Variants in SLC52A1 observed in about 807,000 individuals in gnomAD.
SLC52A1 encodes solute carrier family 52, riboflavin transporter, member 1.
A neutral mutation model predicts 23.2 loss-of-function variants in SLC52A1; 20 were observed. That is an observed-to-expected ratio of 0.86 (90% CI 0.61 to 1.25). The LOEUF (loss-of-function observed/expected upper bound fraction) is 1.25. Among genes scored for constraint, SLC52A1 ranks in the 50% most tolerant of loss-of-function variants. SLC52A1 has a pLI of 0.00. For synonymous variants in SLC52A1, 260 were observed against 256.6 expected, an observed-to-expected ratio of 1.01 and a Z score of -0.13; for missense variants, 528 against 557.0, an observed-to-expected ratio of 0.95 and a Z score of 0.52.
At position 5,033,699 on chromosome 17, in the gene SLC52A1, T is replaced by C; in HGVS notation, c.790A>G (p.Ile264Val). The change falls in exon 3 of 5, where the codon ATC becomes GTC. Residue 264 changes from isoleucine to valine, a missense_variant. Physicochemically the swap from Ile to Val is conservative, Grantham distance 29 (BLOSUM62 3). Coordinates refer to ENST00000254853, the MANE Select transcript of SLC52A1 (RefSeq NM_017986.4). ...TGGGCCTCAGGGTCTGGGCCAGGGA[T>C]GGTGCCTGCTGCCTGGCTCGGTGGC... Reference protein sequence around the residue: ...QEPPSQAAGTIPGPDPEAHQL... With the variant: ...QEPPSQAAGTVPGPDPEAHQL... The C allele has an allele frequency of 1.9e-6, 3 of 1,614,032 alleles. No individual in the cohort carries two copies. Among genetic ancestry groups the C allele is most frequent in the Non-Finnish European group, 2.5e-6 (3 of 1,180,030 alleles).
At chr17:5,041,091 G>A (rs1056107958) in intron 1 of SLC52A1, among the ~76,000 whole-genome samples, 7 of 151,136 alleles carry the variant, frequency 4.6e-5, no homozygotes, top group East Asian at 2.0e-4. Context: ...CACCGTGCCC[G>A]GCCTGTTGTT....
chr17:5,033,155 C>A lies in SLC52A1; in HGVS notation c.1149G>T (p.Val383=). The change falls in exon 5 of 5, where the codon GTG becomes GTT. Residue 383 remains valine (V), a synonymous_variant. Coordinates refer to ENST00000254853, the MANE Select transcript of SLC52A1 (RefSeq NM_017986.4). ...AGVVLVVLSW[V]LCLCVFSYVK... ...CATATGAGAACACACACAGACACAGCACCCACGACAGCACCTGCAAGGGAG... is the reference window on the plus strand; with the variant it reads ...CATATGAGAACACACACAGACACAGAACCCACGACAGCACCTGCAAGGGAG... The A allele has an allele frequency of 1.9e-6, 3 of 1,613,528 alleles. No homozygotes were observed. Among genetic ancestry groups the A allele is most frequent in the Non-Finnish European group, 2.5e-6 (3 of 1,179,712 alleles).
chr17:5,037,339 G>C (rs1361480903), upstream of SLC52A1, among the ~76,000 whole-genome samples: 1 of 152,046 alleles, frequency 6.6e-6, no homozygotes, highest in Non-Finnish European at 1.5e-5. Flanking sequence ...GGCCAACATG[G>C]TGAACCCCGT....
At chr17:5,036,601 G>A (rs1448606289), upstream of SLC52A1, among the ~76,000 whole-genome samples, 1 of 150,330 alleles carries the variant, frequency 6.7e-6, no homozygotes, top group African/African-American at 2.4e-5. Context: ...TCGTAGAGAT[G>A]GGGTTTCACC....
upstream of SLC52A1, among the ~76,000 whole-genome samples, chr17:5,036,975 C>T (rs528188574): frequency 7.9e-5 from 12 of 152,150 alleles, no homozygotes; most frequent in South Asian, 1.2e-3. Flanking sequence ...CATGCCACCA[C>T]GTCCAGCTGT....
intron 3 of SLC52A1, 24 bp downstream of exon 3, chr17:5,033,455 C>G: frequency 6.2e-7 from 1 of 1,610,056 alleles, no homozygotes; most frequent in Non-Finnish European, 8.5e-7. Flanking sequence ...GTTCCACCCA[C>G]CAAGCCTGGG....
upstream of SLC52A1, among the ~76,000 whole-genome samples, chr17:5,036,626 C>G (rs943265990): frequency 1.0e-4 from 15 of 146,882 alleles, no homozygotes; most frequent in African/African-American, 3.5e-4. Context: ...TGGCCAGGCT[C>G]GTCTCGAACT....
At chr17:5,037,167 A>G (rs1975477042), upstream of SLC52A1, among the ~76,000 whole-genome samples, 1 of 152,186 alleles carries the variant, frequency 6.6e-6, no homozygotes. Context: ...AAAACAAAAA[A>G]CAAAGAAAAC....
intron 1 of SLC52A1, among the ~76,000 whole-genome samples, chr17:5,041,698 C>T (rs1294208201): frequency 2.0e-5 from 3 of 151,884 alleles, no homozygotes; most frequent in African/African-American, 2.4e-5. Flanking sequence ...AGGCTGGTCT[C>T]GAACTCCTGA....
At chr17:5,039,323 T>TAA (rs1266960382), upstream of SLC52A1, among the ~76,000 whole-genome samples, 1 of 136,614 alleles carries the variant, frequency 7.3e-6, no homozygotes. Context: ...ACTCCATCTC[T>TAA]AAAAAAAAAA....
upstream of SLC52A1, among the ~76,000 whole-genome samples, chr17:5,039,251 A>G (rs9902674): frequency 0.4 from 60,733 of 151,102 alleles, 14,079 homozygotes; most frequent in Non-Finnish European, 0.54. Context: ...AGAACTCAGG[A>G]GGCGGAGGTC....
intron 1 of SLC52A1, 54 bp from the exon 2 acceptor site, chr17:5,034,767 G>T: frequency 1.0e-6 from 1 of 952,452 alleles, no homozygotes; most frequent in Non-Finnish European, 1.5e-6. Flanking sequence ...CAGAACCGGA[G>T]TCAGAAGACA....
rs532652450 is a variant in SLC52A1, at chr17:5,034,574, C to T, written c.33G>A (p.Leu11=). Residue 11 remains leucine, a synonymous_variant, in exon 2 of 5, where the codon CTG becomes CTA. Transcript: ENST00000254853. MAAPTLGRLV[L]THLLVALFGM... ...CAAAAAGGGCCACCAGCAGGTGGGT[C>T]AGCACCAGACGGCCCAGCGTGGGTG... The T allele has an allele frequency of 3.5e-5, 56 of 1,614,242 alleles. 1 individual carries two copies. In the South Asian group the frequency reaches 5.6e-4, roughly 16 times the overall value.
rs545814197 is a variant in SLC52A1, at chr17:5,033,920, C to T, written c.569G>A (p.Arg190His). ...TSGPPLDFPE[R>H]FPASTFFWAL... The stretch of plus-strand genomic sequence containing the variant: ...CCAGAAGAAGGTGCTGGCAGGAAAA[C>T]GCTCAGGGAAGTCGAGGGGAGGCCC... The change falls in exon 3 of 5, where the codon CGT becomes CAT. Residue 190 changes from arginine (R) to histidine (H), a missense_variant. Physicochemically the swap from Arg to His is conservative, Grantham distance 29. Transcript: ENST00000254853. 2.4e-5 allele frequency: 38 copies of T among 1,614,184 alleles called. No homozygotes were observed. The East Asian group carries it at 3.3e-4, about 14-fold the overall frequency.
upstream of SLC52A1, among the ~76,000 whole-genome samples, chr17:5,039,244 A>ACTCAGGAGGC (rs1975516426): frequency 6.6e-6 from 1 of 151,536 alleles, no homozygotes; most frequent in Non-Finnish European, 1.5e-5. Context: ...AATCACTAGA[A>ACTCAGGAGGC]CTCAGGAGGC....
rs1975433845 is a variant in SLC52A1 at position 5,035,422 on chromosome 17, T to A, written c.-669A>T. On this transcript the variant is annotated 5_prime_UTR_variant, in exon 1 of 5. Coordinates refer to ENST00000254853, the MANE Select transcript of SLC52A1 (RefSeq NM_017986.4). The stretch of plus-strand genomic sequence containing the variant: ...TGGTGCCACTTGCAACCCTAGCGCT[T>A]TTGCGACACTCAGGACTTGCTGAGG... 1 of 152,214 alleles carries A rather than the reference T, an allele frequency of 6.6e-6. No individual in the cohort carries two copies. The highest frequency in any genetic ancestry group is 2.4e-5 in the African/African-American group (1 of 41,436). 9.4% of individuals were successfully genotyped at this position (152,214 alleles called of 1,614,324 possible).
intron 2 of SLC52A1, 31 bp from the exon 3 acceptor site, chr17:5,034,389 G>C (rs749694465): frequency 1.9e-6 from 3 of 1,594,940 alleles, no homozygotes; most frequent in Non-Finnish European, 2.6e-6. Flanking sequence ...CATGTCAGGA[G>C]CACAGTGGCT....
At chr17:5,035,825 C>T (rs1363661267), upstream of SLC52A1, among the ~76,000 whole-genome samples, 4 of 151,694 alleles carry the variant, frequency 2.6e-5, 1 homozygote, top group African/African-American at 9.7e-5. Context: ...TCTCCCCACC[C>T]CCCCACAAGT....
In SLC52A1 at chr17:5,034,279, C is replaced by T. The variant is rs1188408797; in HGVS notation, c.210G>A (p.Gln70=). ...LGLLVVTLWR[Q]LAPGKGEQVP... The stretch of plus-strand genomic sequence containing the variant: ...CCTGCTCGCCCTTGCCCGGGGCCAG[C>T]TGCCTCCACAGGGTCACCACCAGCA... The change falls in exon 3 of 5, where the codon CAG becomes CAA. Residue 70 remains glutamine (Q), a synonymous_variant. Transcript: ENST00000254853. The T allele has an allele frequency of 6.2e-7, 1 of 1,608,334 alleles. No individual in the cohort carries two copies. Among genetic ancestry groups the T allele is most frequent in the Non-Finnish European group, 8.5e-7 (1 of 1,176,626 alleles).
Sources: allele counts gnomAD v4.1 joint callset (sites outside exome capture counted in the v4.1 genomes callset), GRCh38; gene constraint gnomAD v4.1.1; transcripts MANE v1.5; gene names NCBI Gene and HGNC (gene_info 2026-07-23, HGNC 2026-07-21).